FRMD4A: variants seen among roughly 807,000 people sequenced by gnomAD.
The protein encoded by FRMD4A is FERM domain-containing protein 4A.
FRMD4A carries 29 observed loss-of-function variants against 129.1 expected under a neutral mutation model. The ratio of observed to expected loss-of-function variants is 0.22; its 90% CI spans 0.17 to 0.31. FRMD4A has a LOEUF of 0.31. FRMD4A is among the 10% of genes least tolerant of loss of function. FRMD4A has a pLI of 1.00. For synonymous variants in FRMD4A, 634 were observed against 571.6 expected (o/e 1.11, Z -1.56); for missense variants, 1,272 against 1,375.8 (o/e 0.92, Z 1.19).
chr10:13,946,957 G>A (rs760545766), intron 2 of FRMD4A, among the ~76,000 whole-genome samples: 34 of 152,264 alleles, frequency 2.2e-4, no homozygotes, highest in Non-Finnish European at 1.0e-4. Context: ...CAAGAGGAGC[G>A]CTCATATGGG....
intron 2 of FRMD4A, among the ~76,000 whole-genome samples, chr10:14,185,808 T>G (rs1160918280): frequency 1.3e-5 from 2 of 152,086 alleles, no homozygotes; most frequent in Admixed American, 6.5e-5. Flanking sequence ...CTGGGCGGAA[T>G]AGGGTAGACA....
chr10:13,681,843 G>T (rs576074462), intron 15 of FRMD4A, among the ~76,000 whole-genome samples: 1 of 152,276 alleles, frequency 6.6e-6, no homozygotes, highest in Admixed American at 6.5e-5. Context: ...GAAGTTGGGA[G>T]AATTAAAAGA....
chr10:14,035,932 C>T (rs1833480060), intron 2 of FRMD4A, among the ~76,000 whole-genome samples: 1 of 151,762 alleles, frequency 6.6e-6, no homozygotes, highest in South Asian at 2.1e-4. Flanking sequence ...ATCCCAGCTA[C>T]TTGGGAGGCT....
intron 12 of FRMD4A, among the ~76,000 whole-genome samples, chr10:13,714,627 T>C (rs1320364828): frequency 6.6e-6 from 1 of 152,070 alleles, no homozygotes; most frequent in Non-Finnish European, 1.5e-5. Flanking sequence ...ACAATCTACT[T>C]GGGAAGACAA....
rs80340949 is a variant in FRMD4A, at chr10:14,040,460, C to A, written c.46-181548G>T. 6.2e-3 allele frequency among the ~76,000 whole-genome samples: 942 copies of A among 152,242 alleles called. 17 individuals are homozygous for A. The highest frequency in any genetic ancestry group is 0.022 in the African/African-American group (900 of 41,536). ...GTAATGGAGAGACTCAATAATGGTACTGAAGGAATTTAGCTGAAGTTAATG... is the reference window on the plus strand; with the variant it reads ...GTAATGGAGAGACTCAATAATGGTAATGAAGGAATTTAGCTGAAGTTAATG... On this transcript the variant is annotated intron_variant, in intron 2 of 24. Coordinates refer to ENST00000357447, the MANE Select transcript of FRMD4A (RefSeq NM_018027.5).
At chr10:13,687,121 T>C (rs991140102) in intron 15 of FRMD4A, among the ~76,000 whole-genome samples, 4 of 152,044 alleles carry the variant, frequency 2.6e-5, no homozygotes, top group Non-Finnish European at 4.4e-5. Context: ...TGAAACCCCA[T>C]CTCTACTAAA....
chr10:13,975,687 T>G (rs985387687), intron 2 of FRMD4A, among the ~76,000 whole-genome samples: 1 of 152,058 alleles, frequency 6.6e-6, no homozygotes, highest in African/African-American at 2.4e-5. Flanking sequence ...GGGGTCATTA[T>G]CTCTGTGTGT....
At position 14,151,220 on chromosome 10, in the gene FRMD4A, T is replaced by C. The variant is rs558920590; in HGVS notation, c.45+178838A>G. Among the ~76,000 whole-genome samples the C allele has an allele frequency of 2.0e-5, 3 of 152,310 alleles. No individual in the cohort carries two copies. In the East Asian group the frequency reaches 5.8e-4, roughly 29 times the overall value. On this transcript the variant is annotated intron_variant, in intron 2 of 24. Transcript: ENST00000357447. ...AAAGTCACATGCACTCATATGTTCATCGCAACAGTGGTTACAATGGCAAAG... is the reference window on the plus strand; with the variant it reads ...AAAGTCACATGCACTCATATGTTCACCGCAACAGTGGTTACAATGGCAAAG...
intron 12 of FRMD4A, among the ~76,000 whole-genome samples, chr10:13,724,868 A>G (rs191631050): frequency 7.4e-4 from 112 of 152,330 alleles, no homozygotes; most frequent in Non-Finnish European, 1.5e-3. Context: ...TGGGAAGCAG[A>G]TGAATCCTGG....
intron 24 of FRMD4A, among the ~76,000 whole-genome samples, chr10:13,650,494 G>GGTTAATTCTACTTCT (rs2081481887): frequency 6.6e-6 from 1 of 152,170 alleles, no homozygotes; most frequent in Non-Finnish European, 1.5e-5. Context: ...TTTCAAACCT[G>GGTTAATTCTACTTCT]GTTAATTCTA....
At chr10:13,823,439 G>A (rs182399161) in intron 3 of FRMD4A, among the ~76,000 whole-genome samples, 31 of 152,342 alleles carry the variant, frequency 2.0e-4, no homozygotes, top group Non-Finnish European at 4.3e-4. Flanking sequence ...AAGACAGGCA[G>A]TGCTCAACCT....
At chr10:13,837,854 T>C (rs1168835954) in intron 3 of FRMD4A, among the ~76,000 whole-genome samples, 2 of 152,222 alleles carry the variant, frequency 1.3e-5, no homozygotes, top group African/African-American at 4.8e-5. Flanking sequence ...CTTCCCTTCA[T>C]TTCCTCACTC....
At chr10:14,200,631 T>C (rs1035391592) in intron 2 of FRMD4A, among the ~76,000 whole-genome samples, 1 of 152,152 alleles carries the variant, frequency 6.6e-6, no homozygotes. Context: ...GGGAAAGGAA[T>C]CATAAAACGC....
intron 3 of FRMD4A, among the ~76,000 whole-genome samples, chr10:13,829,443 T>C (rs750564987): frequency 6.6e-6 from 1 of 151,994 alleles, no homozygotes; most frequent in Non-Finnish European, 1.5e-5. Context: ...TGAGCCATGA[T>C]TGTGCCACTG....
At chr10:14,136,160 C>T (rs1468274101) in intron 2 of FRMD4A, among the ~76,000 whole-genome samples, 1 of 152,126 alleles carries the variant, frequency 6.6e-6, no homozygotes. Flanking sequence ...TCAGGTGCCA[C>T]CACTGGGGTA....
intron 14 of FRMD4A, among the ~76,000 whole-genome samples, chr10:13,696,215 C>T (rs2134844327): frequency 6.6e-6 from 1 of 152,322 alleles, no homozygotes; most frequent in Admixed American, 6.5e-5. Flanking sequence ...AGGAAAAGGG[C>T]TTTTTATTTC....
intron 6 of FRMD4A, among the ~76,000 whole-genome samples, chr10:13,766,990 T>C (rs987404152): frequency 1.3e-5 from 2 of 152,164 alleles, no homozygotes; most frequent in Admixed American, 1.3e-4. Flanking sequence ...GGAGAATCGC[T>C]TGAACCCTGG....
chr10:14,129,392 A>ATATATATATG (rs1159854312), intron 2 of FRMD4A, among the ~76,000 whole-genome samples: 2 of 130,268 alleles, frequency 1.5e-5, no homozygotes, highest in Non-Finnish European at 3.1e-5. Flanking sequence ...ATATATATAT[A>ATATATATATG]TATATATATA....
intron 3 of FRMD4A, among the ~76,000 whole-genome samples, chr10:13,857,363 A>C (rs1014508671): frequency 6.6e-6 from 1 of 152,228 alleles, no homozygotes; most frequent in African/African-American, 2.4e-5. Flanking sequence ...GAAAAGGAAA[A>C]ATAAGATATG....
Sources: gnomAD v4.1 joint callset for allele counts (sites outside exome capture counted in the v4.1 genomes callset) on GRCh38, gnomAD v4.1.1 for gene constraint, MANE v1.5 for transcripts, NCBI Gene and HGNC (gene_info 2026-07-23, HGNC 2026-07-21) for gene names.